The following STRN3 variants were observed in gnomAD, a reference collection of about 807,000 sequenced individuals.
STRN3 encodes the protein striatin-3.
STRN3 carries 29 observed loss-of-function variants against 95.6 expected under a neutral mutation model. The observed-to-expected ratio is 0.30, with a 90% CI of 0.23 to 0.41. The LOEUF (loss-of-function observed/expected upper bound fraction) is 0.41. Ranked by LOEUF, STRN3 falls within the 10% of genes least tolerant of loss-of-function variation. The pLI is 1.00. For synonymous variants in STRN3, 331 were observed against 357.6 expected (o/e 0.93, Z 0.84); for missense variants, 890 against 972.1 (o/e 0.92, Z 1.12).
At chr14:31,017,638 G>A (rs1161232304) in intron 1 of STRN3, among the ~76,000 whole-genome samples, 2 of 152,152 alleles carry the variant, frequency 1.3e-5, no homozygotes, top group African/African-American at 4.8e-5. Flanking sequence ...TTTCCCCCAA[G>A]GATACCATGG....
At chr14:30,996,508 CA>C (rs369271660) in intron 1 of STRN3, among the ~76,000 whole-genome samples, 2 of 152,138 alleles carry the variant, frequency 1.3e-5, no homozygotes, top group South Asian at 4.1e-4. Flanking sequence ...TGGGCCACCA[CA>C]AAAAAAGGCA....
chr14:30,929,210 C>T lies in STRN3; in HGVS notation c.1090G>A (p.Gly364Arg). The stretch of plus-strand genomic sequence containing the variant: ...CAGAATCTGCACTTACTCTTCACCC[C>T]TTTCTTCCCCTTTCGTTCCTTCTTG... ...QYKKERKGKK[G>R]VKRANRTKLY... The change falls in exon 8 of 18, where the codon GGG becomes AGG. Residue 364 changes from glycine (G) to arginine (R), a missense_variant. Around this residue, in one of 3 missense-constraint regions of STRN3, gnomAD observed 526 missense variants for 526.3 expected, o/e 1.00. Transcript: ENST00000357479. 3.1e-6 allele frequency: 5 copies of T among 1,608,974 alleles called. No individual in the cohort carries two copies. The highest frequency in any genetic ancestry group is 4.2e-6 in the Non-Finnish European group (5 of 1,177,948).
At chr14:30,943,536 G>A (rs1879194145) in intron 5 of STRN3, among the ~76,000 whole-genome samples, 1 of 152,166 alleles carries the variant, frequency 6.6e-6, no homozygotes, top group African/African-American at 2.4e-5. Context: ...GGAAGTTATG[G>A]CTACAGTGAG....
intron 8 of STRN3, among the ~76,000 whole-genome samples, chr14:30,921,853 A>C (rs1267742315): frequency 1.3e-5 from 2 of 152,148 alleles, no homozygotes; most frequent in East Asian, 1.9e-4. Flanking sequence ...GGCAAGAAAA[A>C]CTTTTATTTA....
intron 3 of STRN3, among the ~76,000 whole-genome samples, chr14:30,951,811 T>TA (rs1014736388): frequency 1.3e-5 from 2 of 151,728 alleles, no homozygotes; most frequent in African/African-American, 4.8e-5. Flanking sequence ...GTGTACACAT[T>TA]AAAAAAAATA....
chr14:30,945,449 A>G (rs568202866), intron 5 of STRN3, among the ~76,000 whole-genome samples: 1 of 152,180 alleles, frequency 6.6e-6, no homozygotes, highest in South Asian at 2.1e-4. Context: ...TCCTGTCTCT[A>G]CAAAAATTAG....
intron 1 of STRN3, among the ~76,000 whole-genome samples, chr14:31,023,996 A>C (rs1883644862): frequency 6.6e-6 from 1 of 152,194 alleles, no homozygotes; most frequent in Non-Finnish European, 1.5e-5. Flanking sequence ...GAAAGCAAGC[A>C]AGCAAGCAAA....
intron 5 of STRN3, among the ~76,000 whole-genome samples, chr14:30,942,594 T>C (rs1274526366): frequency 6.6e-6 from 1 of 152,066 alleles, no homozygotes; most frequent in African/African-American, 2.4e-5. Flanking sequence ...CAAAGGTAAA[T>C]AAGACCAATT....
chr14:30,963,345 T>A (rs982329010), intron 1 of STRN3, among the ~76,000 whole-genome samples: 1 of 152,142 alleles, frequency 6.6e-6, no homozygotes, highest in Non-Finnish European at 1.5e-5. Flanking sequence ...AATACACATC[T>A]TAAGTGCACA....
chr14:30,935,270 T>G lies in STRN3; in HGVS notation c.881A>C (p.Asp294Ala). The change falls in exon 7 of 18, where the codon GAC (aspartate) becomes GCC (alanine). Residue 294 changes from aspartate to alanine, a missense_variant. Coordinates refer to ENST00000357479, the MANE Select transcript of STRN3 (RefSeq NM_001083893.2). ...CAGTGCTTCCTCAGTATCAGGATCGTCAGTTAGGTCAGCAGCTAAACCTTC... is the reference window on the plus strand; with the variant it reads ...CAGTGCTTCCTCAGTATCAGGATCGGCAGTTAGGTCAGCAGCTAAACCTTC... ...GNEGLAADLT[D>A]DPDTEEALKE... 1 of 1,614,106 alleles carries G rather than the reference T, an allele frequency of 6.2e-7. No individual in the cohort carries two copies. The highest frequency in any genetic ancestry group is 2.2e-5 in the East Asian group (1 of 44,872).
At chr14:30,935,355 G>T in intron 6 of STRN3, 51 bp from the exon 7 acceptor site, 1 of 1,578,968 alleles carries the variant, frequency 6.3e-7, no homozygotes, top group Non-Finnish European at 8.6e-7. Context: ...ATGGAAAAGG[G>T]ATGCTTTAAT....
chr14:31,026,347 C>T lies in STRN3; in HGVS notation c.-162G>A, dbSNP rs1883933783. 3 of 629,452 alleles carry T rather than the reference C, an allele frequency of 4.8e-6. No individual in the cohort carries two copies. The highest frequency in any genetic ancestry group is 3.6e-5 in the South Asian group (1 of 27,664). 39.0% of individuals were successfully genotyped at this position (629,452 alleles called of 1,614,324 possible). On this transcript the variant is annotated 5_prime_UTR_variant, in exon 1 of 18. Coordinates refer to ENST00000357479, the MANE Select transcript of STRN3 (RefSeq NM_001083893.2). ...TGCCGTGGGTCAGAGCAGGGAGCTG[C>T]CGGCTGCCGCCATTACAATCCCTCC...
intron 10 of STRN3, among the ~76,000 whole-genome samples, chr14:30,912,549 A>G (rs1490887259): frequency 6.6e-6 from 1 of 152,238 alleles, no homozygotes; most frequent in Non-Finnish European, 1.5e-5. Flanking sequence ...CCAACGGTAC[A>G]GTATTAACAG....
At chr14:30,912,401 C>A in intron 10 of STRN3, 1 of 379,458 alleles carries the variant, frequency 2.6e-6, no homozygotes, top group Non-Finnish European at 4.6e-6. Flanking sequence ...TAGCCTAGGT[C>A]AAATGAAGAG....
At position 31,016,233 on chromosome 14, in the gene STRN3, T is replaced by C. The variant is rs1238714677; in HGVS notation, c.282+9671A>G. Among the ~76,000 whole-genome samples the C allele has an allele frequency of 5.9e-5, 9 of 152,278 alleles. No homozygotes were observed. In the South Asian group the frequency reaches 1.9e-3, roughly 32 times the overall value. On this transcript the variant is annotated intron_variant, in intron 1 of 17. Coordinates refer to ENST00000357479, the MANE Select transcript of STRN3 (RefSeq NM_001083893.2). ...TTTACTCAAATTACATGAAAACTTA[T>C]ACGTCCACACAAAAACCTGCACATG...
chr14:30,947,041 C>T (rs1036347594), intron 5 of STRN3, 49 bp downstream of exon 5: 4 of 1,150,006 alleles, frequency 3.5e-6, no homozygotes, highest in African/African-American at 3.3e-5. Flanking sequence ...TTAACAATAA[C>T]AATATCCATA....
chr14:30,977,813 A>AAAG (rs1881187969), intron 1 of STRN3, among the ~76,000 whole-genome samples: 1 of 150,976 alleles, frequency 6.6e-6, no homozygotes, highest in South Asian at 2.1e-4. Context: ...AAAAAAAAAA[A>AAAG]AAAACATGAA....
intron 1 of STRN3, among the ~76,000 whole-genome samples, chr14:30,957,484 A>AG (rs1416315846): frequency 6.6e-6 from 1 of 151,906 alleles, no homozygotes; most frequent in East Asian, 1.9e-4. Flanking sequence ...GAGAGAAAAA[A>AG]GAAAATGTAT....
intron 1 of STRN3, among the ~76,000 whole-genome samples, chr14:30,998,982 G>C (rs1881509619): frequency 6.6e-6 from 1 of 152,156 alleles, no homozygotes. Flanking sequence ...TAGGCATGCA[G>C]AAAAACAAGT....
Sources: allele counts gnomAD v4.1 joint callset (sites outside exome capture counted in the v4.1 genomes callset), GRCh38; gene constraint gnomAD v4.1.1; regional missense constraint gnomAD v4.1.1; transcripts MANE v1.5; gene names NCBI Gene and HGNC (gene_info 2026-07-23, HGNC 2026-07-21).